COL5A2: variants seen among roughly 807,000 people sequenced by gnomAD.
COL5A2 encodes collagen alpha-2(V) chain.
Under a neutral mutation model 208.2 loss-of-function variants are expected in COL5A2, and 23 were observed. The observed-to-expected ratio is 0.11, with a 90% confidence interval of 0.08 to 0.16. The LOEUF (loss-of-function observed/expected upper bound fraction) is 0.16, where lower values mean the gene tolerates loss of function less well. Ranked by LOEUF, COL5A2 falls within the 10% of genes least tolerant of loss-of-function variation. The pLI is 1.00. For missense variants in COL5A2, 1,590 were observed against 1,956.4 expected, an observed-to-expected ratio of 0.81 and a Z score of 3.53; for synonymous variants, 625 against 628.5, an observed-to-expected ratio of 0.99 and a Z score of 0.08.
At chr2:189,362,842 T>C in the COL5A2 span, among the ~76,000 whole-genome samples, 1 of 152,022 alleles carries the variant, frequency 6.6e-6, no homozygotes, top group African/African-American at 2.4e-5. Flanking sequence ...AAATGTCTAA[T>C]ACTGATGAGA....
At chr2:189,344,914 T>C in the COL5A2 span, among the ~76,000 whole-genome samples, 1 of 152,192 alleles carries the variant, frequency 6.6e-6, no homozygotes, top group Non-Finnish European at 1.5e-5. Flanking sequence ...GTATGCCTGG[T>C]CAAGGAACCA....
the COL5A2 span, among the ~76,000 whole-genome samples, chr2:189,349,977 T>C: frequency 3.7e-4 from 56 of 152,298 alleles, no homozygotes; most frequent in East Asian, 9.4e-3. Flanking sequence ...AGTGGTTAGA[T>C]TGGATCTCAT....
the COL5A2 span, among the ~76,000 whole-genome samples, chr2:189,434,131 C>T: frequency 1.4e-5 from 2 of 145,138 alleles, no homozygotes; most frequent in African/African-American, 5.8e-5. Context: ...ATTCAACAGC[C>T]CTTCATGCTA....
the COL5A2 span, among the ~76,000 whole-genome samples, chr2:189,440,864 G>A: frequency 3.9e-5 from 6 of 152,312 alleles, no homozygotes; most frequent in East Asian, 1.2e-3. Flanking sequence ...GAACGCTGCG[G>A]AAGATGCACC....
At chr2:189,089,347 T>TA (rs1394144434) in intron 7 of COL5A2, among the ~76,000 whole-genome samples, 2 of 152,142 alleles carry the variant, frequency 1.3e-5, no homozygotes, top group Admixed American at 6.5e-5. Context: ...CTTTCACAAT[T>TA]AAAAAACCCT....
At chr2:189,411,729 CTTGT>C in the COL5A2 span, among the ~76,000 whole-genome samples, 2 of 152,030 alleles carry the variant, frequency 1.3e-5, no homozygotes, top group South Asian at 2.1e-4. Context: ...TCAATAAGAT[CTTGT>C]TTGATTTTTT....
At chr2:189,212,627 A>G (rs1689229255) in intron 1 of COL5A2, among the ~76,000 whole-genome samples, 1 of 148,726 alleles carries the variant, frequency 6.7e-6, no homozygotes, top group Non-Finnish European at 1.5e-5. Flanking sequence ...CAATAGAGCA[A>G]GACTCAGTCT....
At chr2:189,202,643 T>C (rs923736296) in intron 1 of COL5A2, among the ~76,000 whole-genome samples, 5 of 152,186 alleles carry the variant, frequency 3.3e-5, no homozygotes, top group Admixed American at 2.6e-4. Flanking sequence ...TAAATTGACA[T>C]TGATGGGTTA....
the COL5A2 span, among the ~76,000 whole-genome samples, chr2:189,264,148 A>G: frequency 6.6e-6 from 1 of 152,150 alleles, no homozygotes; most frequent in African/African-American, 2.4e-5. Context: ...CGTGTGTAAG[A>G]TACAATTTAT....
chr2:189,219,087 A>C (rs1379072125), intron 1 of COL5A2, among the ~76,000 whole-genome samples: 2 of 152,218 alleles, frequency 1.3e-5, no homozygotes, highest in African/African-American at 4.8e-5. Flanking sequence ...CAGCAAAAAA[A>C]TTGCTTGAAA....
chr2:189,331,842 CG>C, the COL5A2 span, among the ~76,000 whole-genome samples: 1 of 151,254 alleles, frequency 6.6e-6, no homozygotes, highest in South Asian at 2.1e-4. Context: ...CCCAGCTACT[CG>C]GGAGGCCGGG....
At chr2:189,190,489 T>C (rs552894631) in intron 1 of COL5A2, among the ~76,000 whole-genome samples, 10 of 152,238 alleles carry the variant, frequency 6.6e-5, no homozygotes, top group Non-Finnish European at 1.5e-4. Context: ...ACTTTAAAAA[T>C]AATTTATACA....
At chr2:189,265,260 C>G in the COL5A2 span, among the ~76,000 whole-genome samples, 1 of 152,104 alleles carries the variant, frequency 6.6e-6, no homozygotes, top group South Asian at 2.1e-4. Context: ...TTAACATAAA[C>G]TTGGTGCCTT....
chr2:189,380,064 A>T, the COL5A2 span, among the ~76,000 whole-genome samples: 87 of 152,068 alleles, frequency 5.7e-4, no homozygotes, highest in African/African-American at 2.0e-3. Flanking sequence ...CTCAGCAGTT[A>T]AAAATGCTGT....
chr2:189,185,429 G>T (rs1306564102), intron 1 of COL5A2, among the ~76,000 whole-genome samples: 1 of 152,198 alleles, frequency 6.6e-6, no homozygotes, highest in East Asian at 1.9e-4. Context: ...TACTACAAAT[G>T]AGAAATAATG....
the COL5A2 span, among the ~76,000 whole-genome samples, chr2:189,387,904 C>T: frequency 1.3e-5 from 2 of 152,200 alleles, no homozygotes; most frequent in South Asian, 4.1e-4. Flanking sequence ...CCCAACTCAG[C>T]CTCCCAAGTA....
At chr2:189,042,565 T>TA (rs1685583468) in intron 49 of COL5A2, among the ~76,000 whole-genome samples, 155 bp downstream of exon 49, 2 of 152,202 alleles carry the variant, frequency 1.3e-5, no homozygotes, top group Admixed American at 6.5e-5. Context: ...TTAAAATTAA[T>TA]TGCTAAATAG....
chr2:189,170,203 C>G (rs1298975929), intron 1 of COL5A2, among the ~76,000 whole-genome samples: 1 of 151,872 alleles, frequency 6.6e-6, no homozygotes, highest in Non-Finnish European at 1.5e-5. Context: ...AAAAATTGCC[C>G]GAGAATATGG....
chr2:189,281,812 A>G, the COL5A2 span, among the ~76,000 whole-genome samples: 1 of 152,242 alleles, frequency 6.6e-6, no homozygotes, highest in Non-Finnish European at 1.5e-5. Flanking sequence ...TAATAAGTAC[A>G]TAAGGGCCAT....
Sources: allele counts gnomAD v4.1 joint callset (sites outside exome capture counted in the v4.1 genomes callset), GRCh38; gene constraint gnomAD v4.1.1; transcripts MANE v1.5; gene names NCBI Gene and HGNC (gene_info 2026-07-23, HGNC 2026-07-21).